Variants in GLCCI1 observed in about 807,000 individuals in gnomAD.
GLCCI1 encodes glucocorticoid induced 1, also known as glucocorticoid-induced transcript 1 protein.
In GLCCI1, 24 loss-of-function variants were observed where a neutral mutation model predicts 52.2. The ratio of observed to expected loss-of-function variants is 0.46; its 90% CI spans 0.33 to 0.65. GLCCI1 has a LOEUF of 0.65. GLCCI1 is among the 30% of genes least tolerant of loss of function. The pLI is 0.02. For synonymous variants in GLCCI1, 310 were observed against 276.5 expected (o/e 1.12, Z -1.20); for missense variants, 704 against 701.5 (o/e 1.00, Z -0.04).
intron 3 of GLCCI1, among the ~76,000 whole-genome samples, chr7:8,027,919 T>C (rs1306359752): frequency 6.6e-6 from 1 of 152,136 alleles, no homozygotes; most frequent in Non-Finnish European, 1.5e-5. Context: ...GAGGATGTAA[T>C]GATTGTAAGT....
At chr7:8,013,864 A>G (rs917917921) in intron 2 of GLCCI1, among the ~76,000 whole-genome samples, 1 of 151,996 alleles carries the variant, frequency 6.6e-6, no homozygotes, top group Admixed American at 6.5e-5. Flanking sequence ...CGGCTGTACG[A>G]TCATCCAAAT....
intron 3 of GLCCI1, among the ~76,000 whole-genome samples, chr7:8,047,249 G>T (rs1782151777): frequency 6.6e-6 from 1 of 152,152 alleles, no homozygotes; most frequent in African/African-American, 2.4e-5. Context: ...TTTTCCTCCA[G>T]TGCATTGTAT....
chr7:8,035,557 C>T (rs1781849012), intron 3 of GLCCI1, among the ~76,000 whole-genome samples: 1 of 152,110 alleles, frequency 6.6e-6, no homozygotes, highest in Non-Finnish European at 1.5e-5. Flanking sequence ...GGTGGGGCAC[C>T]TCCCCCTTAT....
chr7:7,983,211 C>CAGA (rs4034736), intron 1 of GLCCI1, among the ~76,000 whole-genome samples: 2 of 151,192 alleles, frequency 1.3e-5, no homozygotes, highest in Non-Finnish European at 3.0e-5. Context: ...CTGACTATAA[C>CAGA]CATGTAAGAA....
At chr7:8,037,582 A>G (rs926602923) in intron 3 of GLCCI1, among the ~76,000 whole-genome samples, 1 of 152,234 alleles carries the variant, frequency 6.6e-6, no homozygotes, top group African/African-American at 2.4e-5. Flanking sequence ...TAAATGCTCC[A>G]CTTAAAAGAT....
rs147138387 is a variant in GLCCI1, at chr7:8,067,583, T to A, written c.967-3338T>A. 1.6e-3 allele frequency among the ~76,000 whole-genome samples: 243 copies of A among 152,348 alleles called. 2 individuals are homozygous for A. Among genetic ancestry groups the A allele is most frequent in the African/African-American group, 5.2e-3 (218 of 41,592 alleles). ...GCAGGTCTGGTAGTAATGAATTCTC[T>A]TACCATTTGCTTGTCTGAAAAGGAT... On this transcript the variant is annotated intron_variant, in intron 5 of 7. Coordinates refer to ENST00000223145, the MANE Select transcript of GLCCI1 (RefSeq NM_138426.4).
At chr7:8,007,854 C>T (rs1312094074) in intron 2 of GLCCI1, among the ~76,000 whole-genome samples, 2 of 151,992 alleles carry the variant, frequency 1.3e-5, no homozygotes, top group African/African-American at 4.8e-5. Flanking sequence ...AAAGAAGTAG[C>T]ATAATGTTGT....
At chr7:8,003,778 A>C (rs1414037892) in intron 1 of GLCCI1, 130 bp from the exon 2 acceptor site, 1 of 687,070 alleles carries the variant, frequency 1.5e-6, no homozygotes, top group East Asian at 2.7e-5. Context: ...ATCATACAAC[A>C]GGGCTATTAG....
At position 8,068,014 on chromosome 7, in the gene GLCCI1, A is replaced by G. The variant is rs374154731; in HGVS notation, c.967-2907A>G. Among the ~76,000 whole-genome samples, 10 of 152,226 alleles carry G rather than the reference A, an allele frequency of 6.6e-5. No individual in the cohort carries two copies. In the South Asian group the frequency reaches 8.3e-4, roughly 13 times the overall value. On this transcript the variant is annotated intron_variant, in intron 5 of 7. Transcript: ENST00000223145. Reference sequence around the variant, plus strand: ...TGCATCGTGGATTTAGTCTCTTTACATAGTATTTCTCAGAGGCTTTGTTCA... The same window carrying G: ...TGCATCGTGGATTTAGTCTCTTTACGTAGTATTTCTCAGAGGCTTTGTTCA...
At chr7:7,995,904 AAAAAT>A (rs1221367559) in intron 1 of GLCCI1, among the ~76,000 whole-genome samples, 3 of 152,186 alleles carry the variant, frequency 2.0e-5, no homozygotes, top group Admixed American at 6.5e-5. Context: ...GTATAATAAA[AAAAAT>A]AAAATAAATT....
At chr7:7,975,969 A>G (rs547194576) in intron 1 of GLCCI1, among the ~76,000 whole-genome samples, 7 of 152,304 alleles carry the variant, frequency 4.6e-5, no homozygotes, top group Admixed American at 6.5e-5. Flanking sequence ...TTAATTACAT[A>G]TGGTGCTAAA....
rs907654132 is a variant in GLCCI1 at position 8,021,419 on chromosome 7, AT to A, written c.610-1054del. On this transcript the variant is annotated intron_variant, in intron 2 of 7. Transcript: ENST00000223145. ...GATATTTTAATATTGTTTAATTATT[AT>A]TTTTTTTTTGAGACAGAGTTTCACT... Among the ~76,000 whole-genome samples, 562 of 150,206 alleles carry A rather than the reference AT, an allele frequency of 3.7e-3. 4 individuals are homozygous for A. Among genetic ancestry groups the A allele is most frequent in the Middle Eastern group, 0.01 (3 of 288 alleles).
intron 1 of GLCCI1, among the ~76,000 whole-genome samples, chr7:8,002,124 T>C (rs902764136): frequency 7.9e-5 from 12 of 152,030 alleles, no homozygotes; most frequent in African/African-American, 2.7e-4. Flanking sequence ...AAGGAATCTA[T>C]ATGTGCTAAA....
At chr7:7,989,754 C>A (rs1400271618) in intron 1 of GLCCI1, among the ~76,000 whole-genome samples, 2 of 152,050 alleles carry the variant, frequency 1.3e-5, no homozygotes, top group Non-Finnish European at 2.9e-5. Context: ...AACATTCTTG[C>A]CTTTTAGGAA....
Position 8,086,460 on chromosome 7 carries a change from G to A in GLCCI1, c.1566G>A (p.Gln522=), listed in dbSNP as rs1783108720. 1 of 1,614,034 alleles carries A rather than the reference G, an allele frequency of 6.2e-7. No individual in the cohort carries two copies. Among genetic ancestry groups the A allele is most frequent in the Non-Finnish European group, 8.5e-7 (1 of 1,180,040 alleles). ...TAGSMEASVQ[Q]PSQQQQLLQE... is the part of the protein sequence containing the mutation. ...GCTCCATGGAGGCCTCTGTCCAGCA[G>A]CCATCCCAGCAGCAGCAGCTCCTGC... The change falls in exon 8 of 8, where the codon CAG becomes CAA. Residue 522 remains glutamine (Q), a synonymous_variant. Coordinates refer to ENST00000223145, the MANE Select transcript of GLCCI1 (RefSeq NM_138426.4). The surrounding 1 kb of genome is among the most constrained non-coding windows in gnomAD (Gnocchi z 4.4).
intron 3 of GLCCI1, among the ~76,000 whole-genome samples, chr7:8,049,698 G>T (rs987542106): frequency 5.9e-5 from 9 of 152,104 alleles, no homozygotes; most frequent in Non-Finnish European, 1.2e-4. Flanking sequence ...CATCAAGAAA[G>T]GAAGTTATGC....
intron 3 of GLCCI1, among the ~76,000 whole-genome samples, chr7:8,050,593 G>GA (rs35675840): frequency 6.6e-6 from 1 of 152,102 alleles, no homozygotes; most frequent in Non-Finnish European, 1.5e-5. Context: ...TATATTTTCA[G>GA]AAAAAGTACT....
chr7:8,040,560 A>C (rs950714476), intron 3 of GLCCI1, among the ~76,000 whole-genome samples: 2 of 150,028 alleles, frequency 1.3e-5, no homozygotes, highest in Non-Finnish European at 3.0e-5. Context: ...ACACACACAC[A>C]CCAATGACTA....
At chr7:7,982,955 A>G (rs1289437418) in intron 1 of GLCCI1, among the ~76,000 whole-genome samples, 2 of 152,172 alleles carry the variant, frequency 1.3e-5, no homozygotes, top group African/African-American at 2.4e-5. Flanking sequence ...AAATTATAAA[A>G]AATATTAGAA....
Sources: allele counts gnomAD v4.1 joint callset (sites outside exome capture counted in the v4.1 genomes callset), GRCh38; gene constraint gnomAD v4.1.1; non-coding constraint Gnocchi (gnomAD v3.1); transcripts MANE v1.5; gene names NCBI Gene and HGNC (gene_info 2026-07-23, HGNC 2026-07-21).